Variants in SYNPR observed in about 807,000 individuals in gnomAD.
The protein encoded by SYNPR is synaptoporin.
A neutral mutation model predicts 32.9 loss-of-function variants in SYNPR; 23 were observed. That is an observed-to-expected ratio of 0.70 (90% CI 0.50 to 0.99). The LOEUF is 0.99. SYNPR is among the 50% of genes least tolerant of loss of function. The pLI, the probability that SYNPR is intolerant of heterozygous loss-of-function variation, is 0.00. For missense variants in SYNPR, 318 were observed against 349.3 expected, an observed-to-expected ratio of 0.91 and a Z score of 0.71; for synonymous variants, 146 against 135.9, an observed-to-expected ratio of 1.07 and a Z score of -0.52.
the SYNPR span, among the ~76,000 whole-genome samples, chr3:63,205,159 GT>G: frequency 1.9e-3 from 295 of 152,176 alleles, 6 homozygotes; most frequent in East Asian, 0.032. Flanking sequence ...TGTGATTATT[GT>G]TTTTGTGTTT....
At chr3:63,520,943 C>T (rs1043429217) in intron 3 of SYNPR, among the ~76,000 whole-genome samples, 1 of 152,082 alleles carries the variant, frequency 6.6e-6, no homozygotes, top group Non-Finnish European at 1.5e-5. Flanking sequence ...TTTGTAAGGC[C>T]AAATGTTTGC....
At chr3:63,245,318 G>T (rs1480876206) in intron 1 of SYNPR, among the ~76,000 whole-genome samples, 1 of 143,732 alleles carries the variant, frequency 7.0e-6, no homozygotes, top group Admixed American at 7.3e-5. Flanking sequence ...TCAAATGAAA[G>T]AAATGTTATT....
intron 2 of SYNPR, among the ~76,000 whole-genome samples, chr3:63,313,770 CAT>C (rs560015947): frequency 7.1e-4 from 8 of 11,292 alleles, no homozygotes; most frequent in South Asian, 2.9e-3. Flanking sequence ...TATATATATC[CAT>C]ATATATATAT....
intron 4 of SYNPR, among the ~76,000 whole-genome samples, chr3:63,557,918 A>ATGT (rs2106829763): frequency 6.6e-6 from 1 of 152,310 alleles, no homozygotes; most frequent in Non-Finnish European, 1.5e-5. Flanking sequence ...ACCAAAACTC[A>ATGT]TGTTGAAAGT....
chr3:63,361,296 A>T (rs2087656463), intron 2 of SYNPR, among the ~76,000 whole-genome samples: 1 of 152,042 alleles, frequency 6.6e-6, no homozygotes, highest in Admixed American at 6.6e-5. Flanking sequence ...GAGAAGGAAA[A>T]ATGGATATAG....
At chr3:63,428,699 C>A (rs777995235) in intron 2 of SYNPR, among the ~76,000 whole-genome samples, 8 of 152,202 alleles carry the variant, frequency 5.3e-5, no homozygotes, top group Non-Finnish European at 1.2e-4. Context: ...GGTCAACTGG[C>A]TATTGGCTGG....
At chr3:63,295,921 T>C (rs2106935778) in intron 2 of SYNPR, among the ~76,000 whole-genome samples, 1 of 152,300 alleles carries the variant, frequency 6.6e-6, no homozygotes, top group East Asian at 1.9e-4. Flanking sequence ...TTTTTTTATT[T>C]GTTTTGGGAG....
chr3:63,420,331 T>G (rs1330067889), intron 2 of SYNPR, among the ~76,000 whole-genome samples: 1 of 152,192 alleles, frequency 6.6e-6, no homozygotes, highest in Admixed American at 6.5e-5. Context: ...GCAAGGATAT[T>G]ATAATTAAAA....
rs1376538004 is a variant in SYNPR at position 63,233,872 on chromosome 3, T to C, written n.66+5492T>C. Among the ~76,000 whole-genome samples the C allele has an allele frequency of 2.6e-5, 4 of 152,188 alleles. No homozygotes were observed. The East Asian group carries it at 7.7e-4, about 29-fold the overall frequency. On this transcript the variant is annotated intron_variant and non_coding_transcript_variant, in intron 1 of 4. Transcript: ENST00000478456. ...CATTGGCCTTTTCCCCTTCCAATTA[T>C]ATGCCTGACCCAAAGTCCCTTCCTT...
chr3:63,432,003 G>A (rs1700005386), intron 2 of SYNPR, among the ~76,000 whole-genome samples: 1 of 152,140 alleles, frequency 6.6e-6, no homozygotes, highest in Non-Finnish European at 1.5e-5. Flanking sequence ...TTCAGGCTGT[G>A]AAGAGGGATA....
At chr3:63,582,013 A>G (rs1352516472) in intron 4 of SYNPR, among the ~76,000 whole-genome samples, 1 of 152,124 alleles carries the variant, frequency 6.6e-6, no homozygotes. Context: ...TTTCCAATAG[A>G]TTCAATACTA....
chr3:63,483,618 C>T (rs748164969), intron 3 of SYNPR, among the ~76,000 whole-genome samples: 8 of 152,092 alleles, frequency 5.3e-5, no homozygotes, highest in East Asian at 1.9e-4. Flanking sequence ...ATTTTAAAAA[C>T]GCTCTTTAAA....
intron 4 of SYNPR, among the ~76,000 whole-genome samples, chr3:63,573,498 A>C (rs1702926213): frequency 6.6e-6 from 1 of 152,146 alleles, no homozygotes; most frequent in African/African-American, 2.4e-5. Context: ...CAATTTCTTG[A>C]AGCTTTAAGG....
At chr3:63,352,566 A>G (rs1273779198) in intron 2 of SYNPR, among the ~76,000 whole-genome samples, 1 of 152,218 alleles carries the variant, frequency 6.6e-6, no homozygotes, top group Non-Finnish European at 1.5e-5. Context: ...AAATAGAAAA[A>G]AGGGGACATT....
chr3:63,253,024 G>C (rs1388008837), intron 2 of SYNPR, among the ~76,000 whole-genome samples: 1 of 142,124 alleles, frequency 7.0e-6, no homozygotes, highest in Non-Finnish European at 1.5e-5. Flanking sequence ...GGGTGACAGA[G>C]TGAGACTCTG....
intron 2 of SYNPR, among the ~76,000 whole-genome samples, chr3:63,425,719 G>A (rs1699879814): frequency 6.6e-6 from 1 of 151,464 alleles, no homozygotes; most frequent in Non-Finnish European, 1.5e-5. Context: ...GTGAAACAGG[G>A]ATAAAAATAA....
intron 3 of SYNPR, among the ~76,000 whole-genome samples, chr3:63,501,494 CAAAAAAAAAA>C: frequency 1.0e-5 from 1 of 96,746 alleles, no homozygotes; most frequent in South Asian, 3.4e-4. Context: ...CTCCCCCAAC[CAAAAAAAAAA>C]AAAAAAAAAA....
intron 2 of SYNPR, among the ~76,000 whole-genome samples, chr3:63,381,877 T>C (rs1354632006): frequency 6.6e-6 from 1 of 152,234 alleles, no homozygotes; most frequent in East Asian, 1.9e-4. Context: ...CTTTTAAGTG[T>C]ACATCTTTGT....
chr3:63,366,786 T>C (rs1159723779), intron 2 of SYNPR, among the ~76,000 whole-genome samples: 1 of 152,206 alleles, frequency 6.6e-6, no homozygotes, highest in Non-Finnish European at 1.5e-5. Context: ...TCATTCTTTA[T>C]AACACCTAGT....
Sources: allele counts gnomAD v4.1 joint callset (sites outside exome capture counted in the v4.1 genomes callset), GRCh38; gene constraint gnomAD v4.1.1; transcripts MANE v1.5; gene names NCBI Gene and HGNC (gene_info 2026-07-23, HGNC 2026-07-21).